Variants in LRRN4 observed in about 807,000 individuals in gnomAD.
The protein encoded by LRRN4 is leucine rich repeat neuronal 4.
LRRN4 carries 26 observed loss-of-function variants against 22.3 expected under a neutral mutation model. The ratio of observed to expected loss-of-function variants is 1.16; its 90% confidence interval spans 0.85 to 1.62. The LOEUF is 1.62. LRRN4 is among the 40% of genes most tolerant of loss of function. The pLI, the probability that LRRN4 is intolerant of heterozygous loss-of-function variation, is 0.00. For synonymous variants in LRRN4, 496 were observed against 486.2 expected (o/e 1.02, Z -0.26); for missense variants, 1,070 against 1,008.5 (o/e 1.06, Z -0.83).
intron 3 of LRRN4, among the ~76,000 whole-genome samples, chr20:6,045,788 AG>A (rs1463213148): frequency 6.7e-6 from 1 of 149,104 alleles, no homozygotes; most frequent in Non-Finnish European, 1.5e-5. Flanking sequence ...CTCATGTGTA[AG>A]CCTCAACTGG....
chr20:6,044,298 C>T (rs1430721171), intron 4 of LRRN4, among the ~76,000 whole-genome samples: 1 of 152,196 alleles, frequency 6.6e-6, no homozygotes, highest in East Asian at 1.9e-4. Context: ...GGAGTAACAC[C>T]TCCCAGCCTG....
chr20:6,051,037 G>A, intron 2 of LRRN4, 54 bp from the exon 3 acceptor site: 2 of 1,508,654 alleles, frequency 1.3e-6, no homozygotes, highest in Non-Finnish European at 9.2e-7. Flanking sequence ...AACCCAGGAG[G>A]CCAGCACGGC....
chr20:6,042,681 G>T (rs1166208372), intron 4 of LRRN4, among the ~76,000 whole-genome samples: 1 of 152,152 alleles, frequency 6.6e-6, no homozygotes, highest in East Asian at 1.9e-4. Flanking sequence ...AGCACTTTGG[G>T]AAGCTGAGGC....
Position 6,052,374 on chromosome 20 carries a change from C to T in LRRN4, c.426G>A (p.Gly142=), listed in dbSNP as rs772175792. 3.0e-4 allele frequency: 455 copies of T among 1,520,256 alleles called. No individual in the cohort carries two copies. Among genetic ancestry groups the T allele is most frequent in the Non-Finnish European group, 3.6e-4 (415 of 1,143,216 alleles). The allele number at this position is 1,520,256 out of a possible 1,614,324, so 94.2% of individuals were successfully genotyped here. A position where few individuals can be genotyped will look rare whatever the true frequency, so the allele number is the denominator to read the frequency against. ...NQLAALPPCT[G]PALSSLRALA... is the part of the protein sequence containing the mutation. ...GGGCGCGGAGGCTGCTCAGCGCGGG[C>T]CCGGTGCACGGCGGCAGAGCGGCCA... Residue 142 remains glycine, a synonymous_variant, in exon 2 of 5, where the codon GGG becomes GGA. Coordinates refer to ENST00000378858, the MANE Select transcript of LRRN4 (RefSeq NM_152611.5).
In LRRN4 at chr20:6,044,687, T is replaced by A. The variant is rs1175389179; in HGVS notation, c.861-7A>T. On this transcript the variant is annotated splice_region_variant and splice_polypyrimidine_tract_variant and intron_variant, in intron 3 of 4. Transcript: ENST00000378858. The stretch of plus-strand genomic sequence containing the variant: ...GAAGGAACTCAAGTTGCAGCTGAAA[T>A]ACAAACAAAAAAATTAATTAAGTCA... 3 of 1,513,168 alleles carry A rather than the reference T, an allele frequency of 2.0e-6. No homozygotes were observed. Among genetic ancestry groups the A allele is most frequent in the Admixed American group, 4.6e-5 (2 of 43,128 alleles). 93.7% of individuals were successfully genotyped at this position (1,513,168 alleles called of 1,614,324 possible).
chr20:6,042,180 G>A lies in LRRN4; in HGVS notation c.1065C>T (p.Leu355=). The A allele has an allele frequency of 6.2e-7, 1 of 1,614,102 alleles. No homozygotes were observed. Among genetic ancestry groups the A allele is most frequent in the Non-Finnish European group, 8.5e-7 (1 of 1,179,992 alleles). The change falls in exon 5 of 5, where the codon CTC becomes CTT. Residue 355 remains leucine, a synonymous_variant. Coordinates refer to ENST00000378858, the MANE Select transcript of LRRN4 (RefSeq NM_152611.5). ...ACTGGCACACTCCGGGCAGCTGGGA[G>A]AGTGACAGGGAGGCTGAGAAGGGGC... is the stretch of plus-strand genomic sequence containing the variant. The part of the protein sequence containing the change: ...SSGPFSASLS[L]SQLPGVCQSD...
At chr20:6,052,070 C>G in intron 2 of LRRN4, 75 bp downstream of exon 2, 1 of 1,489,600 alleles carries the variant, frequency 6.7e-7, no homozygotes, top group South Asian at 1.3e-5. Context: ...AAGAACGCAG[C>G]CCTGCCCCCC....
At chr20:6,043,491 A>G (rs573641737) in intron 4 of LRRN4, among the ~76,000 whole-genome samples, 1 of 152,304 alleles carries the variant, frequency 6.6e-6, no homozygotes, top group South Asian at 2.1e-4. Context: ...TCTCAGCTTC[A>G]TCATTAATAC....
At position 6,041,932 on chromosome 20, in the gene LRRN4, G is replaced by T. The variant is rs1487792709; in HGVS notation, c.1313C>A (p.Ala438Glu). Reference protein sequence around the residue: ...GTAPSTTNSVAGHSNSSVFPR... With the variant: ...GTAPSTTNSVEGHSNSSVFPR... ...GAAAACGCTGGAGTTGCTGTGACCT[G>T]CTACAGAGTTGGTCGTGGAGGGGGC... Residue 438 changes from alanine to glutamate, a missense_variant, in exon 5 of 5, where the codon GCA becomes GAA. Transcript: ENST00000378858. The surrounding 1 kb of genome is among the most constrained non-coding windows in gnomAD (Gnocchi z 9.4). The T allele has an allele frequency of 1.2e-6, 2 of 1,614,186 alleles. No individual in the cohort carries two copies. Among genetic ancestry groups the T allele is most frequent in the Middle Eastern group, 1.6e-4 (1 of 6,062 alleles).
intron 3 of LRRN4, among the ~76,000 whole-genome samples, chr20:6,050,265 T>G (rs1235426553): frequency 6.6e-6 from 1 of 152,262 alleles, no homozygotes; most frequent in Non-Finnish European, 1.5e-5. Flanking sequence ...TGCCTTTGCT[T>G]TGAAAAGTTG....
Position 6,041,986 on chromosome 20 carries a change from C to T in LRRN4, c.1259G>A (p.Trp420Ter), listed in dbSNP as rs570151517. 1.4e-5 allele frequency: 23 copies of T among 1,614,058 alleles called. No individual in the cohort carries two copies. In the South Asian group the frequency reaches 2.3e-4, roughly 16 times the overall value. ...PNVGSRTIAAWPHSDAREGTA... is the reference protein window; with the variant it reads ...PNVGSRTIAA ...CCCCTCCCGTGCATCGCTGTGCGGC[C>T]ATGCAGCTATCGTGCGAGAGCCCAC... Residue 420 changes from tryptophan (W) to a stop codon, truncating the protein, a stop_gained, in exon 5 of 5, where the codon TGG becomes TAG. Coordinates refer to ENST00000378858, the MANE Select transcript of LRRN4 (RefSeq NM_152611.5). LOFTEE classifies it low-confidence loss of function (END_TRUNC). The surrounding 1 kb of genome is among the most constrained non-coding windows in gnomAD (Gnocchi z 9.4).
chr20:6,044,789 T>C, intron 3 of LRRN4, 109 bp from the exon 4 acceptor site: 1 of 1,022,852 alleles, frequency 9.8e-7, no homozygotes, highest in Non-Finnish European at 1.3e-6. Context: ...AGAAGCATTC[T>C]GATAGGGGTT....
At position 6,041,890 on chromosome 20, in the gene LRRN4, G is replaced by C; in HGVS notation, c.1355C>G (p.Thr452Ser). The change falls in exon 5 of 5, where the codon ACC becomes AGC. Residue 452 changes from threonine to serine, a missense_variant. Transcript: ENST00000378858. This position sits in a 1 kb window ranked among gnomAD's most constrained non-coding sequence, Gnocchi z 9.4. ...TTCTCCTCGGTGCTGGGTCCTGGTG[G>C]TGCTGGCAGCCCTGGGGAAAACGCT... ...NSSVFPRAAS[T>S]TRTQHRGEHA... 4.3e-6 allele frequency: 7 copies of C among 1,614,180 alleles called. No individual in the cohort carries two copies. Among genetic ancestry groups the C allele is most frequent in the Non-Finnish European group, 5.9e-6 (7 of 1,180,022 alleles).
rs1251672870 is a variant in LRRN4 at position 6,052,425 on chromosome 20, G to T, written c.375C>A (p.His125Gln). 5 of 1,545,512 alleles carry T rather than the reference G, an allele frequency of 3.2e-6. No individual in the cohort carries two copies. Among genetic ancestry groups the T allele is most frequent in the Admixed American group, 1.9e-5 (1 of 52,186 alleles). Residue 125 changes from histidine (H) to glutamine (Q), a missense_variant, in exon 2 of 5, where the codon CAC (histidine) becomes CAA (glutamine). Coordinates refer to ENST00000378858, the MANE Select transcript of LRRN4 (RefSeq NM_152611.5). ...RWGPGGPAGL[H>Q]TLDLSYNQLA... ...GCTGGTTGTAGCTGAGGTCCAGGGT[G>T]TGCAGCCCCGCCGGCCCACCCGGGC...
chr20:6,041,523 G>A lies in LRRN4; in HGVS notation c.1722C>T (p.Ser574=). The part of the protein sequence containing the change: ...RRWRCRCPGL[S]GEDTIPDPPR... ...GCGGGTCTGGGATGGTGTCTTCCCCGCTGAGGCCGGGGCACCGGCACCGCC... is the reference window on the plus strand; with the variant it reads ...GCGGGTCTGGGATGGTGTCTTCCCCACTGAGGCCGGGGCACCGGCACCGCC... The change falls in exon 5 of 5, where the codon AGC becomes AGT. Residue 574 remains serine, a synonymous_variant. Coordinates refer to ENST00000378858, the MANE Select transcript of LRRN4 (RefSeq NM_152611.5). This position sits in a 1 kb window ranked among gnomAD's most constrained non-coding sequence, Gnocchi z 9.4. 1.3e-6 allele frequency: 2 copies of A among 1,554,738 alleles called. No homozygotes were observed. Among genetic ancestry groups the A allele is most frequent in the South Asian group, 1.2e-5 (1 of 81,256 alleles).
intron 4 of LRRN4, among the ~76,000 whole-genome samples, chr20:6,042,530 C>T (rs539524551): frequency 1.4e-4 from 22 of 152,232 alleles, no homozygotes; most frequent in African/African-American, 5.3e-4. Context: ...CAGAGCCTAC[C>T]CCGGGGCAAG....
chr20:6,045,090 C>A (rs992120684), intron 3 of LRRN4, among the ~76,000 whole-genome samples: 1 of 148,548 alleles, frequency 6.7e-6, no homozygotes, highest in African/African-American at 2.4e-5. Flanking sequence ...CCTTTACTTA[C>A]ATTGTCTCAT....
chr20:6,045,105 A>G (rs1226547411), intron 3 of LRRN4, among the ~76,000 whole-genome samples: 1 of 148,640 alleles, frequency 6.7e-6, no homozygotes, highest in Non-Finnish European at 1.5e-5. Context: ...TCTCATATCA[A>G]CTGGGGACAA....
In LRRN4 at chr20:6,052,689, C is replaced by G. The variant is rs746200352; in HGVS notation, c.111G>C (p.Gly37=). The change falls in exon 2 of 5, where the codon GGG becomes GGC. Residue 37 remains glycine, a synonymous_variant. Transcript: ENST00000378858. ...AGTCGGTGGCGTTGCTGCCACTGCT[C>G]CCCCAGGGGCCCTGCTGAGTGACCC... ...LFRVTQQGPW[G]SSGSNATDSP... is the part of the protein sequence containing the mutation. 17 of 1,572,086 alleles carry G rather than the reference C, an allele frequency of 1.1e-5. No individual in the cohort carries two copies. The highest frequency in any genetic ancestry group is 1.5e-5 in the Non-Finnish European group (17 of 1,166,530).
Sources: gnomAD v4.1 joint callset for allele counts (sites outside exome capture counted in the v4.1 genomes callset) on GRCh38, gnomAD v4.1.1 for gene constraint, Gnocchi (gnomAD v3.1) non-coding constraint, MANE v1.5 for transcripts, NCBI Gene and HGNC (gene_info 2026-07-23, HGNC 2026-07-21) for gene names.